The following LNX1 variants were observed in gnomAD, a reference collection of about 807,000 sequenced individuals.
LNX1 encodes ligand of numb-protein X 1.
LNX1 carries 54 observed loss-of-function variants against 68.4 expected under a neutral mutation model. That is an observed-to-expected ratio of 0.79 (90% CI 0.63 to 0.99). The LOEUF is 0.99. LNX1 is among the 50% of genes least tolerant of loss of function. The pLI, the probability that LNX1 is intolerant of heterozygous loss-of-function variation, is 0.00. For synonymous variants in LNX1, 336 were observed against 350.0 expected (o/e 0.96, Z 0.45); for missense variants, 906 against 926.4 (o/e 0.98, Z 0.29).
At chr4:53,470,652 C>CA (rs1230459192) in intron 9 of LNX1, among the ~76,000 whole-genome samples, 152 of 152,216 alleles carry the variant, frequency 1.0e-3, no homozygotes, top group Non-Finnish European at 1.8e-3. Flanking sequence ...TCTCAGGATA[C>CA]AAATCAACGT....
intron 4 of LNX1, among the ~76,000 whole-genome samples, chr4:53,501,311 G>GGGGTGC (rs1553932778): frequency 1.8e-5 from 1 of 55,696 alleles, no homozygotes; most frequent in East Asian, 5.8e-4. Context: ...GGGGTGGGGG[G>GGGGTGC]ACAGGATCTC....
intron 9 of LNX1, among the ~76,000 whole-genome samples, chr4:53,465,631 T>C (rs1722621897): frequency 6.6e-6 from 1 of 152,246 alleles, no homozygotes; most frequent in Admixed American, 6.5e-5. Flanking sequence ...CTTAGTTTTG[T>C]ATGGTCCAGA....
chr4:53,460,754 G>T lies in LNX1; in HGVS notation c.*153C>A. On this transcript the variant is annotated 3_prime_UTR_variant, in exon 11 of 11. Transcript: ENST00000263925. Reference sequence around the variant, plus strand: ...ATTTTTTTGGAATCATATTTTCTGAGGTGTAACTGGCTTTCATTAGATGAT... The same window carrying T: ...ATTTTTTTGGAATCATATTTTCTGATGTGTAACTGGCTTTCATTAGATGAT... 1 of 725,526 alleles carries T rather than the reference G, an allele frequency of 1.4e-6. No homozygotes were observed. Among genetic ancestry groups the T allele is most frequent in the Non-Finnish European group, 2.2e-6 (1 of 455,168 alleles). 44.9% of individuals were successfully genotyped at this position (725,526 alleles called of 1,614,324 possible). A position where few individuals can be genotyped will look rare whatever the true frequency, so the allele number is the denominator to read the frequency against.
At chr4:53,490,795 C>G (rs1022530868) in intron 6 of LNX1, among the ~76,000 whole-genome samples, 8 of 152,214 alleles carry the variant, frequency 5.3e-5, no homozygotes, top group Non-Finnish European at 1.2e-4. Flanking sequence ...TCCCCTCAGC[C>G]TGGTGTGTGT....
At chr4:53,651,785 C>T (rs1224766216) in intron 1 of LNX1, among the ~76,000 whole-genome samples, 13 of 152,154 alleles carry the variant, frequency 8.5e-5, no homozygotes, top group South Asian at 6.2e-4. Context: ...TTTTAAATGA[C>T]GATAAAGAAT....
intron 2 of LNX1, among the ~76,000 whole-genome samples, chr4:53,604,808 G>A (rs1475626623): frequency 1.3e-5 from 2 of 152,202 alleles, no homozygotes; most frequent in African/African-American, 2.4e-5. Flanking sequence ...CTCTTGGGTG[G>A]GGAAGACAGG....
At chr4:53,634,573 A>T (rs1734395580) in intron 1 of LNX1, among the ~76,000 whole-genome samples, 1 of 151,976 alleles carries the variant, frequency 6.6e-6, no homozygotes, top group African/African-American at 2.4e-5. Context: ...TTCTTCTTGC[A>T]TGAGTACTCC....
chr4:53,618,694 C>T (rs1409562814), upstream of LNX1, among the ~76,000 whole-genome samples: 1 of 152,146 alleles, frequency 6.6e-6, no homozygotes, highest in Non-Finnish European at 1.5e-5. Flanking sequence ...AAGCCACATA[C>T]AGAGGTTTAA....
At chr4:53,603,097 A>G (rs1381164339) in intron 2 of LNX1, 1 of 152,242 alleles carries the variant, frequency 6.6e-6, no homozygotes, top group African/African-American at 2.4e-5. Flanking sequence ...AAAGTTTCTA[A>G]TAATCAGGGA....
chr4:53,603,832 A>T (rs1733118179), intron 2 of LNX1: 1 of 152,252 alleles, frequency 6.6e-6, no homozygotes. Flanking sequence ...GGGTGGGGAC[A>T]AATATCCAGA....
intron 7 of LNX1, among the ~76,000 whole-genome samples, chr4:53,480,414 T>C (rs575101254): frequency 6.6e-6 from 1 of 152,352 alleles, no homozygotes; most frequent in African/African-American, 2.4e-5. Flanking sequence ...TCTCCATAAT[T>C]TGATGACTTA....
At chr4:53,551,502 C>T (rs988787673) in intron 2 of LNX1, among the ~76,000 whole-genome samples, 1 of 152,138 alleles carries the variant, frequency 6.6e-6, no homozygotes, top group Non-Finnish European at 1.5e-5. Flanking sequence ...GTATATGAAT[C>T]CTCAACTGAT....
chr4:53,584,165 T>TG (rs1266787694), intron 1 of LNX1, among the ~76,000 whole-genome samples: 17 of 152,162 alleles, frequency 1.1e-4, no homozygotes, highest in Admixed American at 7.2e-4. Flanking sequence ...TTGTTGTTGT[T>TG]TTTTTTAAAA....
In LNX1 at chr4:53,481,032, C is replaced by T. The variant is rs973802082; in HGVS notation, c.1485+688G>A. On this transcript the variant is annotated intron_variant, in intron 7 of 10. Coordinates refer to ENST00000263925, the MANE Select transcript of LNX1 (RefSeq NM_001126328.3). The stretch of plus-strand genomic sequence containing the variant: ...AAACAAGGTTTGTGTTGCTTAAACA[C>T]GCATCCAAATGAAGAGGTTAAGGCA... Among the ~76,000 whole-genome samples the T allele has an allele frequency of 5.3e-5, 8 of 152,260 alleles. No homozygotes were observed. In the East Asian group the frequency reaches 5.8e-4, roughly 11 times the overall value.
At chr4:53,558,091 T>G in intron 2 of LNX1, 1 of 1,491,642 alleles carries the variant, frequency 6.7e-7, no homozygotes, top group Non-Finnish European at 8.9e-7. Context: ...AGAATTTGAC[T>G]GAGAACCTTC....
chr4:53,576,464 C>G, intron 1 of LNX1: 6 of 1,374,696 alleles, frequency 4.4e-6, no homozygotes, highest in Non-Finnish European at 5.7e-6. Context: ...GCTGACTCTT[C>G]CCAGGACAGC....
intron 2 of LNX1, among the ~76,000 whole-genome samples, chr4:53,529,102 AACACAC>A (rs201017055): frequency 7.2e-5 from 10 of 138,298 alleles, no homozygotes; most frequent in Non-Finnish European, 1.3e-4. Context: ...AGTCCTGACC[AACACAC>A]ACACACACAC....
chr4:53,546,121 T>TAATC (rs1344565409), intron 2 of LNX1, among the ~76,000 whole-genome samples: 1 of 152,216 alleles, frequency 6.6e-6, no homozygotes, highest in East Asian at 1.9e-4. Flanking sequence ...GCCACATTTT[T>TAATC]AATCAATACA....
chr4:53,638,655 T>C (rs1734568476), intron 1 of LNX1, among the ~76,000 whole-genome samples: 1 of 152,200 alleles, frequency 6.6e-6, no homozygotes, highest in Admixed American at 6.5e-5. Context: ...AGCATAATGC[T>C]GAAGTGCTGC....
Sources: allele counts gnomAD v4.1 joint callset (sites outside exome capture counted in the v4.1 genomes callset), GRCh38; gene constraint gnomAD v4.1.1; transcripts MANE v1.5; gene names NCBI Gene and HGNC (gene_info 2026-07-23, HGNC 2026-07-21).